DEPDC5: variants seen among roughly 807,000 people sequenced by gnomAD.
DEPDC5 encodes DEP domain containing 5, GATOR1 subcomplex subunit.
In DEPDC5, 73 loss-of-function variants were observed where a neutral mutation model predicts 217.3. The ratio of observed to expected loss-of-function variants is 0.34; its 90% confidence interval spans 0.28 to 0.41. The LOEUF (loss-of-function observed/expected upper bound fraction) is 0.41. DEPDC5 is among the 10% of genes least tolerant of loss of function. The pLI, the probability that DEPDC5 is intolerant of heterozygous loss-of-function variation, is 1.00. For missense variants in DEPDC5, 1,675 were observed against 2,070.1 expected (o/e 0.81, Z 3.70); for synonymous variants, 733 against 756.7 (o/e 0.97, Z 0.51).
chr22:31,905,951 C>T lies in DEPDC5; in HGVS notation c.4437-33C>T, dbSNP rs191178214. ...TCCCTTGCCCCTTTAACTAAGGAGG[C>T]GCTGATTAGCATGTCTTCCTGTCCT... On this transcript the variant is annotated intron_variant, in intron 41 of 42. Coordinates refer to ENST00000651528, the MANE Select transcript of DEPDC5 (RefSeq NM_001242896.3). The T allele has an allele frequency of 2.8e-4, 451 of 1,589,380 alleles. 2 individuals carry two copies. In the East Asian group the frequency reaches 7.3e-3, roughly 26 times the overall value.
At chr22:31,831,416 TA>T (rs1465102401) in intron 24 of DEPDC5, among the ~76,000 whole-genome samples, 4 of 152,242 alleles carry the variant, frequency 2.6e-5, no homozygotes, top group African/African-American at 9.6e-5. Flanking sequence ...AGAAAAGTCC[TA>T]AAATTGTTTT....
chr22:31,851,831 G>C (rs2092044297), intron 31 of DEPDC5, among the ~76,000 whole-genome samples: 1 of 152,166 alleles, frequency 6.6e-6, no homozygotes, highest in Non-Finnish European at 1.5e-5. Context: ...AGACAGTGTG[G>C]GAATTTGGAT....
intron 39 of DEPDC5, 55 bp downstream of exon 39, chr22:31,893,806 G>C (rs2093490693): frequency 2.1e-6 from 3 of 1,452,922 alleles, no homozygotes; most frequent in East Asian, 2.6e-5. Context: ...AGTGGGCATG[G>C]AGATGCTTGA....
In DEPDC5 at chr22:31,902,408, T is replaced by TTATATATATATATATA. The variant is rs66813737; in HGVS notation, c.4436+619_4436+634dup. On this transcript the variant is annotated intron_variant, in intron 41 of 42. Transcript: ENST00000651528. ...TCTCCAGTATCCTGTCATCTCCTTA[T>TTATATATATATATATA]TATATATATATATATATATATATAT... 2.6e-3 allele frequency among the ~76,000 whole-genome samples: 294 copies of TTATATATATATATATA among 111,832 alleles called. 1 individual carries two copies. The highest frequency in any genetic ancestry group is 3.1e-3 in the Non-Finnish European group (171 of 55,648). 73.4% of individuals were successfully genotyped at this position (111,832 alleles called of 152,430 possible).
chr22:31,758,740 C>T, intron 3 of DEPDC5, 107 bp downstream of exon 3: 1 of 1,103,458 alleles, frequency 9.1e-7, no homozygotes. Flanking sequence ...TGTGATGGCT[C>T]AATCCTGTAA....
intron 16 of DEPDC5, 24 bp from the exon 17 acceptor site, chr22:31,804,818 G>A: frequency 3.1e-6 from 5 of 1,609,182 alleles, no homozygotes; most frequent in Non-Finnish European, 3.4e-6. Context: ...TAGCTTATCT[G>A]TGCTCTCATT....
chr22:31,830,814 G>A (rs530350118), intron 24 of DEPDC5, among the ~76,000 whole-genome samples: 171 of 151,222 alleles, frequency 1.1e-3, no homozygotes, highest in African/African-American at 4.0e-3. Context: ...TTGTCTTGCA[G>A]ACCAAGTCTA....
At chr22:31,805,771 A>G (rs1199450017) in intron 17 of DEPDC5, among the ~76,000 whole-genome samples, 1 of 152,146 alleles carries the variant, frequency 6.6e-6, no homozygotes, top group Non-Finnish European at 1.5e-5. Flanking sequence ...ACTATTTGAT[A>G]TCATGATATT....
chr22:31,775,048 TG>T (rs1359731606), intron 7 of DEPDC5, among the ~76,000 whole-genome samples: 22 of 152,336 alleles, frequency 1.4e-4, no homozygotes, highest in African/African-American at 4.8e-4. Context: ...GCCATGGGCC[TG>T]GTCCAGCCTT....
chr22:31,886,245 A>T (rs1444782557), intron 38 of DEPDC5, among the ~76,000 whole-genome samples: 1 of 151,976 alleles, frequency 6.6e-6, no homozygotes, highest in African/African-American at 2.4e-5. Context: ...GCTGGTCATG[A>T]ACTCCTCGGC....
chr22:31,804,214 A>G lies in DEPDC5; in HGVS notation c.1134A>G (p.Pro378=), dbSNP rs2087211222. ...GAGAGCAACCGTTACATGCTGTCCC[A>G]TTGTTCAAGGTAATTAGATTTCGGA... ...CMGEQPLHAV[P]LFKLHNRSAP... is the part of the protein sequence containing the mutation. The change falls in exon 16 of 43, where the codon CCA becomes CCG. Residue 378 remains proline, a synonymous_variant. Coordinates refer to ENST00000651528, the MANE Select transcript of DEPDC5 (RefSeq NM_001242896.3). The G allele has an allele frequency of 6.2e-7, 1 of 1,614,100 alleles. No homozygotes were observed. The highest frequency in any genetic ancestry group is 8.5e-7 in the Non-Finnish European group (1 of 1,180,000).
intron 29 of DEPDC5, among the ~76,000 whole-genome samples, chr22:31,844,378 A>G (rs1442840957): frequency 6.6e-6 from 1 of 152,208 alleles, no homozygotes; most frequent in Admixed American, 6.5e-5. Flanking sequence ...TGGGCAACAC[A>G]GCAAGACCTT....
Position 31,792,717 on chromosome 22 carries a change from A to G in DEPDC5, c.695-28A>G, listed in dbSNP as rs753295161. ...AACTGAATTTCTCTTCTCAGCCTGA[A>G]CTACATACTCCGTTTTCTCTATTTC... On this transcript the variant is annotated intron_variant, in intron 11 of 42. Coordinates refer to ENST00000651528, the MANE Select transcript of DEPDC5 (RefSeq NM_001242896.3). 6 of 1,526,462 alleles carry G rather than the reference A, an allele frequency of 3.9e-6. No individual in the cohort carries two copies. In the Admixed American group the frequency reaches 9.5e-5, roughly 24 times the overall value. The allele number at this position is 1,526,462 out of a possible 1,614,324, so 94.6% of individuals were successfully genotyped here. A position where few individuals can be genotyped will look rare whatever the true frequency, so the allele number is the denominator to read the frequency against.
chr22:31,897,536 T>C lies in DEPDC5; in HGVS notation c.4258T>C (p.Leu1420=). The part of the protein sequence containing the change: ...TSCGFLLVPV[L]EGPFALPSYL... ...CTGTGGCTTCTTGTTAGTCCCAGTT[T>C]TGGAGGGGCCTTTTGCACTGCCCAG... Residue 1420 remains leucine, a synonymous_variant, in exon 40 of 43, where the codon TTG becomes CTG. Coordinates refer to ENST00000651528, the MANE Select transcript of DEPDC5 (RefSeq NM_001242896.3). 6.2e-7 allele frequency: 1 copy of C among 1,614,120 alleles called. No individual in the cohort carries two copies. The highest frequency in any genetic ancestry group is 8.5e-7 in the Non-Finnish European group (1 of 1,179,986).
chr22:31,768,697 A>G, intron 6 of DEPDC5, 117 bp from the exon 7 acceptor site: 1 of 867,384 alleles, frequency 1.2e-6, no homozygotes, highest in Non-Finnish European at 1.8e-6. Context: ...GAGATTAGAA[A>G]GCTAGGAGTT....
At chr22:31,836,902 T>TC in intron 25 of DEPDC5, 70 bp from the exon 26 acceptor site, 11 of 546,834 alleles carry the variant, frequency 2.0e-5, no homozygotes, top group Non-Finnish European at 2.7e-5. Flanking sequence ...TCCCCTTCCC[T>TC]CCCCTGGCCC....
chr22:31,765,130 G>A, intron 5 of DEPDC5, 70 bp downstream of exon 5: 1 of 1,198,030 alleles, frequency 8.3e-7, no homozygotes, highest in Admixed American at 1.7e-5. Context: ...GATTACTAAG[G>A]AAACAATGGG....
At chr22:31,842,079 G>A (rs1290826842) in intron 27 of DEPDC5, among the ~76,000 whole-genome samples, 1 of 152,232 alleles carries the variant, frequency 6.6e-6, no homozygotes, top group African/African-American at 2.4e-5. Flanking sequence ...TTCTAAAAAT[G>A]TAAGGAGGAA....
chr22:31,838,414 G>A (rs549795236), intron 26 of DEPDC5, among the ~76,000 whole-genome samples: 1 of 151,960 alleles, frequency 6.6e-6, no homozygotes, highest in Non-Finnish European at 1.5e-5. Context: ...GTTAATTTTT[G>A]TATATTTTTT....
Sources: gnomAD v4.1 joint callset for allele counts (sites outside exome capture counted in the v4.1 genomes callset) on GRCh38, gnomAD v4.1.1 for gene constraint, MANE v1.5 for transcripts, NCBI Gene and HGNC (gene_info 2026-07-23, HGNC 2026-07-21) for gene names.